Variants in ELOVL5 observed in about 807,000 individuals in gnomAD.
ELOVL5 encodes ELOVL fatty acid elongase 5, also known as very long chain fatty acid elongase 5.
A neutral mutation model predicts 38.6 loss-of-function variants in ELOVL5; 8 were observed. That is an observed-to-expected ratio of 0.21 (90% confidence interval 0.12 to 0.37). The LOEUF is 0.37. ELOVL5 is among the 10% of genes least tolerant of loss of function. The probability of loss-of-function intolerance (pLI) is 1.00; values close to 1 mark genes in which losing one functional copy is unlikely to be tolerated. For missense variants in ELOVL5, 280 were observed against 367.8 expected (o/e 0.76, Z 1.95); for synonymous variants, 127 against 133.7 (o/e 0.95, Z 0.34).
chr6:53,311,381 C>T (rs943410146), intron 1 of ELOVL5, among the ~76,000 whole-genome samples: 1 of 152,126 alleles, frequency 6.6e-6, no homozygotes, highest in African/African-American at 2.4e-5. Context: ...TTGCTGTTGG[C>T]GGGACTGTCA....
At chr6:53,346,105 CCT>C (rs1311588115) in intron 1 of ELOVL5, among the ~76,000 whole-genome samples, 1 of 152,114 alleles carries the variant, frequency 6.6e-6, no homozygotes, top group Admixed American at 6.5e-5. Context: ...TGTTTCCCTC[CCT>C]GTGTCCATGT....
intron 1 of ELOVL5, among the ~76,000 whole-genome samples, chr6:53,347,644 C>A (rs1383517038): frequency 6.6e-6 from 1 of 152,200 alleles, no homozygotes; most frequent in Non-Finnish European, 1.5e-5. Flanking sequence ...GCTCGCTCCC[C>A]ACAAATCCCA....
intron 3 of ELOVL5, 118 bp downstream of exon 3, chr6:53,291,658 G>C (rs1766778798): frequency 2.9e-6 from 2 of 684,422 alleles, no homozygotes; most frequent in African/African-American, 3.7e-5. Context: ...TAAGATACTT[G>C]CTTGCCCAGT....
At chr6:53,274,924 G>A (rs1264492640) in intron 5 of ELOVL5, among the ~76,000 whole-genome samples, 166 bp downstream of exon 5, 1 of 152,160 alleles carries the variant, frequency 6.6e-6, no homozygotes, top group African/African-American at 2.4e-5. Flanking sequence ...AACTAAAAAA[G>A]GGTTTTGTGT....
At chr6:53,325,022 C>T (rs918333132) in intron 1 of ELOVL5, among the ~76,000 whole-genome samples, 2 of 152,132 alleles carry the variant, frequency 1.3e-5, no homozygotes, top group African/African-American at 4.8e-5. Flanking sequence ...TAACCCTGTT[C>T]CATCTAGACC....
chr6:53,318,814 T>C (rs1474247708), intron 1 of ELOVL5, among the ~76,000 whole-genome samples: 2 of 152,186 alleles, frequency 1.3e-5, no homozygotes, highest in African/African-American at 4.8e-5. Flanking sequence ...GCAGTCATTT[T>C]CCTTTTTTTC....
intron 1 of ELOVL5, among the ~76,000 whole-genome samples, chr6:53,299,783 A>G (rs1767171548): frequency 6.6e-6 from 1 of 152,200 alleles, no homozygotes; most frequent in South Asian, 2.1e-4. Context: ...GTTCTCTACA[A>G]AAGCACACGC....
intron 1 of ELOVL5, among the ~76,000 whole-genome samples, chr6:53,306,439 C>G (rs377067226): frequency 1.2e-3 from 178 of 150,056 alleles, no homozygotes; most frequent in African/African-American, 3.8e-3. Context: ...AAGGAAATTT[C>G]TTCCCCACTG....
At chr6:53,324,137 C>T (rs1023988144) in intron 1 of ELOVL5, among the ~76,000 whole-genome samples, 3 of 151,370 alleles carry the variant, frequency 2.0e-5, no homozygotes, top group Non-Finnish European at 4.4e-5. Context: ...CTTGTAATCC[C>T]AGCTACTCAG....
chr6:53,324,620 A>T (rs1350038255), intron 1 of ELOVL5, among the ~76,000 whole-genome samples: 1 of 144,870 alleles, frequency 6.9e-6, no homozygotes, highest in Non-Finnish European at 1.5e-5. Flanking sequence ...GGTTGCAGTG[A>T]GCCAAGATGG....
At chr6:53,325,133 A>G (rs180695550) in intron 1 of ELOVL5, among the ~76,000 whole-genome samples, 6 of 152,246 alleles carry the variant, frequency 3.9e-5, no homozygotes, top group Non-Finnish European at 8.8e-5. Context: ...TATCCTACTA[A>G]TAAGTTTTCA....
intron 5 of ELOVL5, 87 bp from the exon 6 acceptor site, chr6:53,273,431 T>C (rs1435602282): frequency 2.4e-6 from 3 of 1,269,982 alleles, no homozygotes; most frequent in Admixed American, 2.1e-5. Context: ...ACAAGATTCT[T>C]TTTGAATCAG....
At chr6:53,317,458 G>C (rs1768099586) in intron 1 of ELOVL5, among the ~76,000 whole-genome samples, 1 of 152,170 alleles carries the variant, frequency 6.6e-6, no homozygotes, top group African/African-American at 2.4e-5. Flanking sequence ...GGAATACTAT[G>C]CGGCCATAAA....
At chr6:53,326,604 T>C (rs1335783377) in intron 1 of ELOVL5, among the ~76,000 whole-genome samples, 2 of 152,150 alleles carry the variant, frequency 1.3e-5, no homozygotes, top group African/African-American at 4.8e-5. Flanking sequence ...CTTCCCTGAT[T>C]CCTCCCGCAG....
At chr6:53,270,057 G>A (rs1201701391) in intron 7 of ELOVL5, among the ~76,000 whole-genome samples, 1 of 152,214 alleles carries the variant, frequency 6.6e-6, no homozygotes, top group Non-Finnish European at 1.5e-5. Flanking sequence ...TGGCTGCAAC[G>A]TGGTCAGGCT....
intron 1 of ELOVL5, among the ~76,000 whole-genome samples, chr6:53,299,602 G>A (rs891515813): frequency 1.1e-4 from 16 of 152,298 alleles, no homozygotes; most frequent in Admixed American, 9.8e-4. Context: ...CAAGAGTACT[G>A]AACCAGCAGC....
intron 3 of ELOVL5, among the ~76,000 whole-genome samples, chr6:53,286,447 C>T (rs1435193999): frequency 6.6e-6 from 1 of 152,028 alleles, no homozygotes; most frequent in Non-Finnish European, 1.5e-5. Context: ...CCTGTAGTCC[C>T]AGCTACTCAG....
intron 3 of ELOVL5, among the ~76,000 whole-genome samples, chr6:53,285,162 T>C (rs965993887): frequency 5.3e-5 from 8 of 152,180 alleles, no homozygotes; most frequent in Admixed American, 5.2e-4. Flanking sequence ...GCTGGGCCTC[T>C]CGTACCAGGT....
intron 1 of ELOVL5, among the ~76,000 whole-genome samples, chr6:53,298,462 G>A (rs982496937): frequency 6.6e-6 from 1 of 151,914 alleles, no homozygotes; most frequent in Admixed American, 6.6e-5. Context: ...AAGAAACTAG[G>A]GTTTGAAACC....
Sources: gnomAD v4.1 joint callset for allele counts (sites outside exome capture counted in the v4.1 genomes callset) on GRCh38, gnomAD v4.1.1 for gene constraint, MANE v1.5 for transcripts, NCBI Gene and HGNC (gene_info 2026-07-23, HGNC 2026-07-21) for gene names.